Variants in SLC2A9 observed in about 807,000 individuals in gnomAD.
SLC2A9 encodes the protein solute carrier family 2 member 9.
In SLC2A9, 39 loss-of-function variants were observed where a neutral mutation model predicts 50.6. The ratio of observed to expected loss-of-function variants is 0.77; its 90% CI spans 0.60 to 1.01. The LOEUF is 1.01. SLC2A9 is among the 50% of genes least tolerant of loss of function. The pLI, the probability that SLC2A9 is intolerant of heterozygous loss-of-function variation, is 0.00. For synonymous variants in SLC2A9, 324 were observed against 276.9 expected (o/e 1.17, Z -1.69); for missense variants, 686 against 677.6 (o/e 1.01, Z -0.14).
At chr4:9,878,153 T>C (rs1734595048) in intron 10 of SLC2A9, among the ~76,000 whole-genome samples, 2 of 152,096 alleles carry the variant, frequency 1.3e-5, no homozygotes, top group Non-Finnish European at 2.9e-5. Flanking sequence ...CACATATATA[T>C]ATATATAAAA....
chr4:9,996,868 A>G lies in SLC2A9; in HGVS notation c.323T>C (p.Leu108Ser), dbSNP rs747346199. The G allele has an allele frequency of 6.2e-7, 1 of 1,614,202 alleles. No homozygotes were observed. Among genetic ancestry groups the G allele is most frequent in the Non-Finnish European group, 8.5e-7 (1 of 1,180,006 alleles). ...GRPIDPDTLT[L>S]LWSVTVSIFA... ...TATGGACACAGTCACAGACCAGAGCAAAGTCAGAGTGTCTGGGTCTATTGG... is the reference window on the plus strand; with the variant it reads ...TATGGACACAGTCACAGACCAGAGCGAAGTCAGAGTGTCTGGGTCTATTGG... The change falls in exon 3 of 12, where the codon TTG (leucine) becomes TCG (serine). Residue 108 changes from leucine (L) to serine (S), a missense_variant. By Grantham distance (145) the Leu-to-Ser change is moderately radical. Transcript: ENST00000264784.
At position 9,877,626 on chromosome 4, in the gene SLC2A9, G is replaced by A. The variant is rs374996151; in HGVS notation, c.1291+9941C>T. ...ATTCATTCCCAGGTCTGTCTCTTCT[G>A]TGGGCTCCTCCAGCATAGGAGGAGT... On this transcript the variant is annotated intron_variant, in intron 10 of 11. Transcript: ENST00000264784. 8.1e-4 allele frequency among the ~76,000 whole-genome samples: 123 copies of A among 152,294 alleles called. 2 individuals carry two copies. Among genetic ancestry groups the A allele is most frequent in the African/African-American group, 2.8e-3 (118 of 41,570 alleles).
intron 3 of SLC2A9, among the ~76,000 whole-genome samples, chr4:9,809,961 T>C (rs1443023800): frequency 2.0e-5 from 3 of 152,112 alleles, no homozygotes; most frequent in Non-Finnish European, 2.9e-5. Context: ...GGTGGGCACC[T>C]GAAGCCCACG....
intron 10 of SLC2A9, among the ~76,000 whole-genome samples, chr4:9,883,958 T>C (rs1735694268): frequency 6.6e-6 from 1 of 152,180 alleles, no homozygotes; most frequent in African/African-American, 2.4e-5. Flanking sequence ...AGGTCAGGGC[T>C]CTTAAGAAGC....
At chr4:9,933,997 C>A (rs1373351735) in intron 6 of SLC2A9, among the ~76,000 whole-genome samples, 1 of 152,216 alleles carries the variant, frequency 6.6e-6, no homozygotes, top group African/African-American at 2.4e-5. Context: ...TCCAGGACTA[C>A]TCATTCCAAA....
chr4:9,982,504 G>A (rs1349100931), intron 4 of SLC2A9, among the ~76,000 whole-genome samples: 1 of 152,174 alleles, frequency 6.6e-6, no homozygotes, highest in South Asian at 2.1e-4. Context: ...ATCTTGGAAT[G>A]CAGCTTATTT....
In SLC2A9 at chr4:10,018,481, G is replaced by A. The variant is rs141234259; in HGVS notation, c.249+494C>T. 3.9e-3 allele frequency among the ~76,000 whole-genome samples: 594 copies of A among 152,220 alleles called. 16 individuals carry two copies. In the East Asian group the frequency reaches 0.069, roughly 18 times the overall value. ...CACTTGAACGTGGGAGGCGGCGGTTGCAGTGAGCCGAGATCGCACCACTGC... is the reference window on the plus strand; with the variant it reads ...CACTTGAACGTGGGAGGCGGCGGTTACAGTGAGCCGAGATCGCACCACTGC... On this transcript the variant is annotated intron_variant, in intron 2 of 11. Coordinates refer to ENST00000264784, the MANE Select transcript of SLC2A9 (RefSeq NM_020041.3).
chr4:10,019,060 G>A lies in SLC2A9; in HGVS notation c.164C>T (p.Ser55Leu). The change falls in exon 2 of 12, where the codon TCG becomes TTG. Residue 55 changes from serine to leucine, a missense_variant. Transcript: ENST00000264784. ...GGRRRKDWSC[S>L]LLVASLAGAF... ...GCCCGCGAGGGAGGCCACGAGGAGC[G>A]AGCAGGACCAGTCCTGAGGGGAGAG... The A allele has an allele frequency of 6.4e-7, 1 of 1,551,236 alleles. No homozygotes were observed. Among genetic ancestry groups the A allele is most frequent in the Non-Finnish European group, 8.7e-7 (1 of 1,146,962 alleles).
chr4:9,819,995 T>C (rs950759651), intron 3 of SLC2A9, among the ~76,000 whole-genome samples: 3 of 152,272 alleles, frequency 2.0e-5, no homozygotes, highest in African/African-American at 7.2e-5. Context: ...TAAATTTCAA[T>C]GAAGTATAAT....
intron 2 of SLC2A9, among the ~76,000 whole-genome samples, chr4:9,997,348 T>C (rs1342725482): frequency 6.6e-6 from 1 of 152,132 alleles, no homozygotes; most frequent in African/African-American, 2.4e-5. Flanking sequence ...ATGATGAGCT[T>C]CATAGCTGGG....
intron 10 of SLC2A9, among the ~76,000 whole-genome samples, chr4:9,865,621 A>T (rs377623195): frequency 1.3e-5 from 2 of 152,234 alleles, no homozygotes; most frequent in South Asian, 4.1e-4. Flanking sequence ...TTCTTCTTGC[A>T]TAATAGCTCT....
At position 10,021,435 on chromosome 4, in the gene SLC2A9, T is replaced by C. The variant is rs1309115809; in HGVS notation, c.-6A>G. 1.2e-6 allele frequency: 2 copies of C among 1,614,058 alleles called. No homozygotes were observed. The highest frequency in any genetic ancestry group is 2.7e-5 in the African/African-American group (2 of 74,932). Reference sequence around the variant, plus strand: ...CTATTTTGTTTCCTTGCCATGGGTCTCAGTGACCCAGCTGATGGCTCAGTC... The same window carrying C: ...CTATTTTGTTTCCTTGCCATGGGTCCCAGTGACCCAGCTGATGGCTCAGTC... On this transcript the variant is annotated 5_prime_UTR_variant, in exon 1 of 12. Transcript: ENST00000264784.
downstream of SLC2A9, among the ~76,000 whole-genome samples, chr4:9,824,663 G>A (rs1044052980): frequency 1.3e-5 from 2 of 152,110 alleles, no homozygotes; most frequent in African/African-American, 4.8e-5. Context: ...TTGCAGGTGA[G>A]GGCAGTATAT....
chr4:9,777,626 A>T (rs1251347515), downstream of SLC2A9, among the ~76,000 whole-genome samples: 12 of 152,238 alleles, frequency 7.9e-5, no homozygotes, highest in African/African-American at 2.9e-4. Flanking sequence ...TGTTGGGCAC[A>T]GAATCCCCTT....
In SLC2A9 at chr4:9,996,889, A is replaced by T. The variant is rs1758777696; in HGVS notation, c.302T>A (p.Ile101Lys). ...ESWERRHGRP[I>K]DPDTLTLLWS... The stretch of plus-strand genomic sequence containing the variant: ...GAGCAAAGTCAGAGTGTCTGGGTCT[A>T]TTGGACGTCCATGCCTTCTTTCCCA... Residue 101 changes from isoleucine (I) to lysine (K), a missense_variant, in exon 3 of 12, where the codon ATA (isoleucine) becomes AAA (lysine). Coordinates refer to ENST00000264784, the MANE Select transcript of SLC2A9 (RefSeq NM_020041.3). The T allele has an allele frequency of 6.2e-7, 1 of 1,614,148 alleles. No individual in the cohort carries two copies. Among genetic ancestry groups the T allele is most frequent in the Non-Finnish European group, 8.5e-7 (1 of 1,179,990 alleles).
chr4:9,909,027 C>T (rs963273414), intron 7 of SLC2A9, among the ~76,000 whole-genome samples: 12 of 152,236 alleles, frequency 7.9e-5, no homozygotes, highest in Admixed American at 6.5e-4. Context: ...TTTATGAGAA[C>T]CAGAAAAGGT....
intron 1 of SLC2A9, among the ~76,000 whole-genome samples, chr4:9,772,159 G>A (rs1342151901): frequency 1.3e-5 from 2 of 152,126 alleles, no homozygotes; most frequent in Non-Finnish European, 2.9e-5. Flanking sequence ...GATAGGAGTG[G>A]GGGTGAAGAC....
intron 6 of SLC2A9, among the ~76,000 whole-genome samples, chr4:9,937,929 C>T (rs779601004): frequency 3.4e-4 from 52 of 152,310 alleles, no homozygotes; most frequent in Non-Finnish European, 5.3e-4. Context: ...CAGCGGCCTC[C>T]GTTTGTGCCT....
chr4:9,990,482 C>T lies in SLC2A9; in HGVS notation c.411-4689G>A, dbSNP rs537572891. ...GAGTACAACCCAAAATGCCAAGTGA[C>T]GTAACACAGGGAACTGAAAGTCCTG... On this transcript the variant is annotated intron_variant, in intron 3 of 11. Transcript: ENST00000264784. Among the ~76,000 whole-genome samples the T allele has an allele frequency of 1.3e-4, 20 of 152,190 alleles. No homozygotes were observed. The South Asian group carries it at 3.7e-3, about 28-fold the overall frequency.
Sources: allele counts gnomAD v4.1 joint callset (sites outside exome capture counted in the v4.1 genomes callset), GRCh38; gene constraint gnomAD v4.1.1; transcripts MANE v1.5; gene names NCBI Gene and HGNC (gene_info 2026-07-23, HGNC 2026-07-21).